FOXP1: variants seen among roughly 807,000 people sequenced by gnomAD.
The protein encoded by FOXP1 is forkhead box P1.
In FOXP1, 15 loss-of-function variants were observed where a neutral mutation model predicts 98.2. That is an observed-to-expected ratio of 0.15 (90% CI 0.10 to 0.24). FOXP1 has a LOEUF of 0.24. Ranked by LOEUF, FOXP1 falls within the 10% of genes least tolerant of loss-of-function variation. The probability of loss-of-function intolerance (pLI) is 1.00; values close to 1 mark genes in which losing one functional copy is unlikely to be tolerated. For missense variants in FOXP1, 633 were observed against 848.5 expected (o/e 0.75, Z 3.15); for synonymous variants, 371 against 314.5 (o/e 1.18, Z -1.90).
chr3:71,258,594 C>G (rs1292815262), intron 5 of FOXP1, among the ~76,000 whole-genome samples: 1 of 151,964 alleles, frequency 6.6e-6, no homozygotes, highest in African/African-American at 2.4e-5. Context: ...TGCTAAGGAG[C>G]CAAGTCTTCA....
intron 5 of FOXP1, among the ~76,000 whole-genome samples, chr3:71,220,704 G>A (rs918304128): frequency 2.0e-4 from 31 of 151,786 alleles, no homozygotes; most frequent in African/African-American, 7.5e-4. Context: ...AGTGAGCCGA[G>A]ATCGCACCAC....
At chr3:71,147,258 T>A (rs531018093) in intron 6 of FOXP1, among the ~76,000 whole-genome samples, 1 of 152,288 alleles carries the variant, frequency 6.6e-6, no homozygotes, top group East Asian at 1.9e-4. Context: ...GCACATCAGG[T>A]CATTTTGTTG....
At chr3:71,188,073 T>G (rs1212786651) in intron 6 of FOXP1, among the ~76,000 whole-genome samples, 1 of 152,214 alleles carries the variant, frequency 6.6e-6, no homozygotes, top group East Asian at 1.9e-4. Flanking sequence ...ATGCTACCTC[T>G]TATTTTGTTA....
At chr3:71,550,436 C>A (rs946488808) in intron 2 of FOXP1, among the ~76,000 whole-genome samples, 3 of 152,152 alleles carry the variant, frequency 2.0e-5, no homozygotes, top group Non-Finnish European at 4.4e-5. Context: ...GGCCTGGTGA[C>A]AGATAAATTA....
At chr3:71,580,790 A>G (rs745540038) in intron 2 of FOXP1, 13 of 985,410 alleles carry the variant, frequency 1.3e-5, no homozygotes, top group South Asian at 4.7e-5. Context: ...CTATTGTCCA[A>G]GCCCTAAACC....
intron 4 of FOXP1, among the ~76,000 whole-genome samples, chr3:71,316,662 T>C (rs2075094488): frequency 7.0e-6 from 1 of 143,324 alleles, no homozygotes; most frequent in Non-Finnish European, 1.5e-5. Context: ...GGCATATTCT[T>C]TTTTTTTTTT....
intron 2 of FOXP1, among the ~76,000 whole-genome samples, chr3:71,570,077 G>C (rs1296889909): frequency 2.0e-5 from 3 of 152,076 alleles, no homozygotes; most frequent in Non-Finnish European, 2.9e-5. Flanking sequence ...CAAAGGCGTG[G>C]CTCAGCTCTG....
chr3:71,537,924 C>T (rs1296259174), intron 2 of FOXP1, among the ~76,000 whole-genome samples: 4 of 152,140 alleles, frequency 2.6e-5, no homozygotes, highest in African/African-American at 7.2e-5. Context: ...TTTCGGTATT[C>T]ATAAATAAAG....
chr3:70,966,183 CT>C (rs2034723698), intron 19 of FOXP1, 127 bp from the exon 20 acceptor site: 1 of 877,672 alleles, frequency 1.1e-6, no homozygotes, highest in African/African-American at 1.7e-5. Flanking sequence ...ATACAAGTTT[CT>C]AAGAGGTGTT....
chr3:71,057,769 C>G (rs2050885540), intron 7 of FOXP1, among the ~76,000 whole-genome samples: 1 of 152,126 alleles, frequency 6.6e-6, no homozygotes, highest in African/African-American at 2.4e-5. Flanking sequence ...TTGACTGATA[C>G]CAACTGGGTG....
chr3:71,352,363 G>A (rs1417598339), intron 4 of FOXP1, among the ~76,000 whole-genome samples: 2 of 150,858 alleles, frequency 1.3e-5, no homozygotes, highest in African/African-American at 4.9e-5. Flanking sequence ...TACTTGGGAG[G>A]CTGAGGCAGG....
chr3:71,240,834 A>C (rs1001918781), intron 5 of FOXP1, among the ~76,000 whole-genome samples: 1 of 151,498 alleles, frequency 6.6e-6, no homozygotes, highest in Non-Finnish European at 1.5e-5. Context: ...CGTGAGCCAC[A>C]GCGCCTGGCC....
chr3:71,369,023 A>G (rs1040408622), intron 3 of FOXP1, among the ~76,000 whole-genome samples: 1 of 152,138 alleles, frequency 6.6e-6, no homozygotes, highest in Admixed American at 6.5e-5. Flanking sequence ...TCTACCTCAA[A>G]TAAATACTTA....
intron 7 of FOXP1, among the ~76,000 whole-genome samples, chr3:71,077,990 G>T (rs1481809177): frequency 2.0e-5 from 3 of 152,026 alleles, no homozygotes; most frequent in African/African-American, 7.2e-5. Context: ...GCGCCATCAC[G>T]CTTGGCTAAT....
intron 11 of FOXP1, among the ~76,000 whole-genome samples, chr3:71,031,464 A>G (rs184476519): frequency 2.6e-5 from 4 of 152,294 alleles, no homozygotes; most frequent in Admixed American, 2.0e-4. Flanking sequence ...ATAAATGGAG[A>G]AGGCTTTTTG....
intron 3 of FOXP1, among the ~76,000 whole-genome samples, chr3:71,417,822 G>A (rs891310283): frequency 6.6e-6 from 1 of 151,942 alleles, no homozygotes; most frequent in Admixed American, 6.6e-5. Context: ...TCAACCCAAC[G>A]AGCATTTGGT....
At chr3:71,543,240 A>G (rs1046459685) in intron 2 of FOXP1, among the ~76,000 whole-genome samples, 3 of 152,254 alleles carry the variant, frequency 2.0e-5, no homozygotes, top group African/African-American at 7.2e-5. Flanking sequence ...AATAAATTGC[A>G]TCATTTAGTT....
At chr3:71,489,121 A>G (rs2090879687) in intron 3 of FOXP1, among the ~76,000 whole-genome samples, 1 of 151,792 alleles carries the variant, frequency 6.6e-6, no homozygotes, top group Non-Finnish European at 1.5e-5. Flanking sequence ...CCACCCCAAA[A>G]CCGGTCACGG....
At chr3:71,172,188 A>G (rs1466618474) in intron 6 of FOXP1, among the ~76,000 whole-genome samples, 1 of 152,102 alleles carries the variant, frequency 6.6e-6, no homozygotes, top group Non-Finnish European at 1.5e-5. Context: ...GAAAATTCAC[A>G]AACAGTGCCT....
Sources: gnomAD v4.1 joint callset for allele counts (sites outside exome capture counted in the v4.1 genomes callset) on GRCh38, gnomAD v4.1.1 for gene constraint, MANE v1.5 for transcripts, NCBI Gene and HGNC (gene_info 2026-07-23, HGNC 2026-07-21) for gene names.